The following SUPT5H variants were observed in gnomAD, a reference collection of about 807,000 sequenced individuals.
The protein encoded by SUPT5H is transcription elongation factor SPT5.
SUPT5H carries 24 observed loss-of-function variants against 142.5 expected under a neutral mutation model. The ratio of observed to expected loss-of-function variants is 0.17; its 90% CI spans 0.12 to 0.24. The LOEUF is 0.24. SUPT5H is among the 10% of genes least tolerant of loss of function. The pLI is 1.00. For missense variants in SUPT5H, 893 were observed against 1,471.8 expected (o/e 0.61, Z 6.43); for synonymous variants, 546 against 553.0 (o/e 0.99, Z 0.18).
chr19:39,471,839 A>G (rs1463602935), intron 20 of SUPT5H, 109 bp downstream of exon 20: 3 of 1,435,680 alleles, frequency 2.1e-6, no homozygotes, highest in African/African-American at 2.8e-5. Flanking sequence ...TTAGGAGAGC[A>G]GTGTCATTGT....
chr19:39,459,165 A>G lies in SUPT5H; in HGVS notation c.459-19A>G. The G allele has an allele frequency of 6.2e-7, 1 of 1,607,524 alleles. No individual in the cohort carries two copies. Among genetic ancestry groups the G allele is most frequent in the Non-Finnish European group, 8.5e-7 (1 of 1,176,826 alleles). On this transcript the variant is annotated intron_variant, in intron 7 of 29. Transcript: ENST00000432763. The stretch of plus-strand genomic sequence containing the variant: ...TCTGACAGAGCTTCACCCCTTCCTG[A>G]CTGCCCTCCTCCCTTCAGGGTGTAT...
At chr19:39,459,501 CTGTT>C in intron 8 of SUPT5H, 54 bp from the exon 9 acceptor site, 1 of 1,607,326 alleles carries the variant, frequency 6.2e-7, no homozygotes, top group South Asian at 1.1e-5. Context: ...GGGGGTTCGT[CTGTT>C]TGTTACTGAA....
chr19:39,474,612 A>G lies in SUPT5H; in HGVS notation c.2918A>G (p.Glu973Gly). 6.2e-7 allele frequency: 1 copy of G among 1,614,208 alleles called. No homozygotes were observed. ...YNPHTPGSGI[E>G]QNSSDWVTTD... Reference sequence around the variant, plus strand: ...CCACACACGCCAGGCTCAGGCATCGAGCAGAACTCCAGCGACTGGGTAACC... The same window carrying G: ...CCACACACGCCAGGCTCAGGCATCGGGCAGAACTCCAGCGACTGGGTAACC... The change falls in exon 28 of 30, where the codon GAG becomes GGG. Residue 973 changes from glutamate to glycine, a missense_variant. This residue lies in a region of SUPT5H where 336 missense variants were observed against 546.5 expected (regional missense o/e 0.61). Transcript: ENST00000432763. The surrounding 1 kb of genome is among the most constrained non-coding windows in gnomAD (Gnocchi z 6.5).
At position 39,445,890 on chromosome 19, in the gene SUPT5H, G is replaced by A. The variant is rs1600688048; in HGVS notation, c.-1G>A. The A allele has an allele frequency of 1.2e-6, 2 of 1,613,652 alleles. No homozygotes were observed. Among genetic ancestry groups the A allele is most frequent in the South Asian group, 2.2e-5 (2 of 91,034 alleles). ...GCTGTCTTTCCCAGCAGCAGCGGAA[G>A]ATGTCGGACAGCGAGGACAGCAACT... is the stretch of plus-strand genomic sequence containing the variant. On this transcript the variant is annotated 5_prime_UTR_variant, in exon 2 of 30. Coordinates refer to ENST00000432763, the MANE Select transcript of SUPT5H (RefSeq NM_001111020.3).
Position 39,469,064 on chromosome 19 carries a change from C to A in SUPT5H, c.1144-15C>A, listed in dbSNP as rs1177322041. Reference sequence around the variant, plus strand: ...GGTCCATTTCCTTCTCTTCCCCTCACCGCTGGGGGCTTAGATCACGGAGGG... The same window carrying A: ...GGTCCATTTCCTTCTCTTCCCCTCAACGCTGGGGGCTTAGATCACGGAGGG... On this transcript the variant is annotated splice_polypyrimidine_tract_variant and intron_variant, in intron 14 of 29. Transcript: ENST00000432763. The surrounding 1 kb of genome is among the most constrained non-coding windows in gnomAD (Gnocchi z 5.1). The A allele has an allele frequency of 8.1e-6, 13 of 1,613,866 alleles. No individual in the cohort carries two copies. The highest frequency in any genetic ancestry group is 9.3e-6 in the Non-Finnish European group (11 of 1,179,978).
intron 13 of SUPT5H, chr19:39,467,188 GC>G (rs1478647739): frequency 4.6e-5 from 7 of 153,618 alleles, no homozygotes; most frequent in African/African-American, 1.4e-4. Flanking sequence ...TTCAAGACCA[GC>G]CTGGCCAACA....
In SUPT5H at chr19:39,472,405, C is replaced by T; in HGVS notation, c.1951-4C>T. On this transcript the variant is annotated splice_region_variant and splice_polypyrimidine_tract_variant and intron_variant, in intron 20 of 29. Coordinates refer to ENST00000432763, the MANE Select transcript of SUPT5H (RefSeq NM_001111020.3). The surrounding 1 kb of genome is among the most constrained non-coding windows in gnomAD (Gnocchi z 4.2). The stretch of plus-strand genomic sequence containing the variant: ...TGCCAGTTCACTCCTTGCTTCTATC[C>T]TAGCCCCGTGATGTGACCAACTTCA... 2.5e-6 allele frequency: 4 copies of T among 1,614,036 alleles called. No individual in the cohort carries two copies. The highest frequency in any genetic ancestry group is 2.5e-6 in the Non-Finnish European group (3 of 1,179,944).
In SUPT5H at chr19:39,466,436, G is replaced by A. The variant is rs747050943; in HGVS notation, c.877-44G>A. The A allele has an allele frequency of 3.2e-6, 5 of 1,562,160 alleles. No individual in the cohort carries two copies. Among genetic ancestry groups the A allele is most frequent in the South Asian group, 1.1e-5 (1 of 89,846 alleles). On this transcript the variant is annotated intron_variant, in intron 11 of 29. Coordinates refer to ENST00000432763, the MANE Select transcript of SUPT5H (RefSeq NM_001111020.3). This position sits in a 1 kb window ranked among gnomAD's most constrained non-coding sequence, Gnocchi z 4.3. The stretch of plus-strand genomic sequence containing the variant: ...TGACCCTTCTTGTGTCTGGGGTCAG[G>A]GAGGAGAGTGGGGCCCTGCTGACCT...
At chr19:39,464,664 T>C (rs73035432) in intron 10 of SUPT5H, 134 bp from the exon 11 acceptor site, 221,507 of 1,315,564 alleles carry the variant, frequency 0.17, 20,226 homozygotes, top group Middle Eastern at 0.24. Flanking sequence ...GGAACACCTT[T>C]GTGTCCATGT....
At chr19:39,454,888 C>A (rs1216187810) in intron 3 of SUPT5H, among the ~76,000 whole-genome samples, 1 of 152,104 alleles carries the variant, frequency 6.6e-6, no homozygotes, top group African/African-American at 2.4e-5. Context: ...GAATGGATAC[C>A]ATGCTGGGTA....
intron 3 of SUPT5H, among the ~76,000 whole-genome samples, chr19:39,455,332 CG>C (rs1387211155): frequency 9.9e-5 from 15 of 152,068 alleles, no homozygotes; most frequent in Admixed American, 2.6e-4. Context: ...GAGGCTGAGG[CG>C]GGTGGATCAT....
chr19:39,473,877 G>T lies in SUPT5H; in HGVS notation c.2493-86G>T, dbSNP rs927473150. On this transcript the variant is annotated intron_variant, in intron 25 of 29. Coordinates refer to ENST00000432763, the MANE Select transcript of SUPT5H (RefSeq NM_001111020.3). This position sits in a 1 kb window ranked among gnomAD's most constrained non-coding sequence, Gnocchi z 5.8. The stretch of plus-strand genomic sequence containing the variant: ...CTCCCGTGAGAATGAAATTGCTTCA[G>T]TTGGGGGTCTGGTGTAGGGTGCTGT... 1.1e-5 allele frequency: 18 copies of T among 1,576,172 alleles called. No individual in the cohort carries two copies. In the Admixed American group the frequency reaches 2.2e-4, roughly 19 times the overall value.
chr19:39,455,512 A>T (rs1404819690), intron 3 of SUPT5H, among the ~76,000 whole-genome samples: 4 of 150,226 alleles, frequency 2.7e-5, no homozygotes, highest in African/African-American at 9.7e-5. Flanking sequence ...CAGTGAGCCG[A>T]GATTGCTGCA....
In SUPT5H at chr19:39,466,944, C is replaced by T. The variant is rs779792977; in HGVS notation, c.1037+199C>T. 3.6e-5 allele frequency: 22 copies of T among 603,706 alleles called. No homozygotes were observed. The highest frequency in any genetic ancestry group is 3.8e-5 in the Non-Finnish European group (13 of 341,982). The allele number at this position is 603,706 out of a possible 1,614,324, so 37.4% of individuals were successfully genotyped here. On this transcript the variant is annotated intron_variant, in intron 13 of 29. Coordinates refer to ENST00000432763, the MANE Select transcript of SUPT5H (RefSeq NM_001111020.3). The surrounding 1 kb of genome is among the most constrained non-coding windows in gnomAD (Gnocchi z 4.3). ...TGCTATAAAGATTGATGAGGCTGGG[C>T]GCAGCGGGAGGGAGCACTTTGGAAG...
At chr19:39,454,201 GT>G (rs1454022542) in intron 3 of SUPT5H, among the ~76,000 whole-genome samples, 2 of 152,178 alleles carry the variant, frequency 1.3e-5, no homozygotes, top group Non-Finnish European at 2.9e-5. Context: ...TGTAATTGAT[GT>G]AAATGCTAAA....
chr19:39,474,181 C>T lies in SUPT5H; in HGVS notation c.2652-53C>T, dbSNP rs551445037. On this transcript the variant is annotated intron_variant, in intron 26 of 29. Coordinates refer to ENST00000432763, the MANE Select transcript of SUPT5H (RefSeq NM_001111020.3). The surrounding 1 kb of genome is among the most constrained non-coding windows in gnomAD (Gnocchi z 6.5). The stretch of plus-strand genomic sequence containing the variant: ...GCCCAAACCCTCCTACTGCCACCAC[C>T]TCTTTTCCCCTCCCTCCTCCAACAA... The T allele has an allele frequency of 2.0e-4, 316 of 1,612,144 alleles. No homozygotes were observed. Among genetic ancestry groups the T allele is most frequent in the Admixed American group, 2.5e-4 (15 of 59,832 alleles).
intron 2 of SUPT5H, among the ~76,000 whole-genome samples, chr19:39,446,987 G>A (rs887901875): frequency 3.3e-5 from 5 of 152,264 alleles, no homozygotes; most frequent in South Asian, 2.1e-4. Context: ...CAGCCTGGGC[G>A]ACGAGCAAGA....
intron 3 of SUPT5H, among the ~76,000 whole-genome samples, chr19:39,454,660 T>G (rs968858501): frequency 6.6e-6 from 1 of 152,144 alleles, no homozygotes; most frequent in African/African-American, 2.4e-5. Flanking sequence ...TAAAAAAAGA[T>G]TTTTTATATT....
At chr19:39,459,651 G>A in intron 9 of SUPT5H, 62 bp downstream of exon 9, 1 of 1,600,742 alleles carries the variant, frequency 6.2e-7, no homozygotes, top group Non-Finnish European at 8.6e-7. Flanking sequence ...GCTTTGTGGG[G>A]GAGAAGTGTC....
Sources: gnomAD v4.1 joint callset for allele counts (sites outside exome capture counted in the v4.1 genomes callset) on GRCh38, gnomAD v4.1.1 for gene constraint, gnomAD v4.1.1 regional missense constraint, Gnocchi (gnomAD v3.1) non-coding constraint, MANE v1.5 for transcripts, NCBI Gene and HGNC (gene_info 2026-07-23, HGNC 2026-07-21) for gene names.